Variants in CSNK1G1 observed in about 807,000 individuals in gnomAD.
CSNK1G1 encodes casein kinase 1 gamma 1.
A neutral mutation model predicts 59.6 loss-of-function variants in CSNK1G1; 22 were observed. The observed-to-expected ratio is 0.37, with a 90% CI of 0.26 to 0.53. The LOEUF is 0.53. CSNK1G1 is among the 20% of genes least tolerant of loss of function. CSNK1G1 has a pLI of 0.89. For missense variants in CSNK1G1, 384 were observed against 519.5 expected (o/e 0.74, Z 2.54); for synonymous variants, 179 against 177.1 (o/e 1.01, Z -0.08).
intron 2 of CSNK1G1, among the ~76,000 whole-genome samples, chr15:64,269,329 C>T (rs1394024964): frequency 6.6e-6 from 1 of 151,874 alleles, no homozygotes; most frequent in Non-Finnish European, 1.5e-5. Flanking sequence ...TGGTTGGTAG[C>T]CTATTTATTA....
chr15:64,172,160 C>T (rs1252713154), intron 11 of CSNK1G1, among the ~76,000 whole-genome samples, 175 bp from the exon 12 acceptor site: 4 of 152,134 alleles, frequency 2.6e-5, no homozygotes, highest in Non-Finnish European at 5.9e-5. Context: ...GCCAGAAAAG[C>T]CAAAGGAAAT....
At chr15:64,251,427 G>T in intron 4 of CSNK1G1, 85 bp downstream of exon 4, 1 of 940,810 alleles carries the variant, frequency 1.1e-6, no homozygotes, top group Non-Finnish European at 1.7e-6. Context: ...GGTAAAAAGG[G>T]CAAACCAGAC....
At chr15:64,275,278 A>G (rs1221518202) in intron 2 of CSNK1G1, among the ~76,000 whole-genome samples, 1 of 152,106 alleles carries the variant, frequency 6.6e-6, no homozygotes, top group Non-Finnish European at 1.5e-5. Flanking sequence ...ACCTCAGGTG[A>G]GCCTCCCGTC....
At chr15:64,302,152 T>G (rs556181742) in intron 1 of CSNK1G1, among the ~76,000 whole-genome samples, 17 of 152,232 alleles carry the variant, frequency 1.1e-4, no homozygotes, top group Middle Eastern at 3.4e-3. Flanking sequence ...TAGGCTGGAG[T>G]GCAATGGCGA....
intron 6 of CSNK1G1, among the ~76,000 whole-genome samples, chr15:64,211,716 G>A (rs1008938295): frequency 2.0e-5 from 3 of 152,092 alleles, no homozygotes; most frequent in East Asian, 1.9e-4. Context: ...TGAGATAACC[G>A]AGGCTGAGGG....
intron 4 of CSNK1G1, among the ~76,000 whole-genome samples, chr15:64,241,274 T>C (rs2082690507): frequency 6.6e-6 from 1 of 152,192 alleles, no homozygotes; most frequent in African/African-American, 2.4e-5. Context: ...AAGGTAATTA[T>C]ACAATGTTAA....
chr15:64,279,034 A>G (rs141202653), intron 2 of CSNK1G1, among the ~76,000 whole-genome samples: 1 of 152,224 alleles, frequency 6.6e-6, no homozygotes, highest in Non-Finnish European at 1.5e-5. Flanking sequence ...GATCACTGAC[A>G]TACACTGTTA....
At chr15:64,276,946 CAAAAAAAA>C (rs1304321213) in intron 2 of CSNK1G1, among the ~76,000 whole-genome samples, 2 of 54,506 alleles carry the variant, frequency 3.7e-5, no homozygotes, top group African/African-American at 7.3e-5. Flanking sequence ...GACTCCATCT[CAAAAAAAA>C]AAAAAAAAGA....
At chr15:64,226,286 G>T (rs1238463039) in intron 4 of CSNK1G1, among the ~76,000 whole-genome samples, 1 of 152,200 alleles carries the variant, frequency 6.6e-6, no homozygotes, top group Non-Finnish European at 1.5e-5. Context: ...TCGGCTGGGT[G>T]TGGTGGCTCA....
At chr15:64,348,038 G>T (rs925790483) in intron 1 of CSNK1G1, among the ~76,000 whole-genome samples, 10 of 150,014 alleles carry the variant, frequency 6.7e-5, no homozygotes, top group African/African-American at 2.0e-4. Flanking sequence ...AACATTCAAC[G>T]CATATTGCTA....
intron 1 of CSNK1G1, among the ~76,000 whole-genome samples, chr15:64,309,925 C>T (rs956081696): frequency 6.6e-6 from 1 of 150,636 alleles, no homozygotes; most frequent in African/African-American, 2.4e-5. Context: ...GCTTGGTCAA[C>T]ATACTGAGAC....
intron 4 of CSNK1G1, among the ~76,000 whole-genome samples, chr15:64,251,104 A>G (rs1285094612): frequency 6.6e-6 from 1 of 152,230 alleles, no homozygotes; most frequent in Non-Finnish European, 1.5e-5. Context: ...GTTCTGTAAT[A>G]TTTCAGAATG....
chr15:64,273,916 C>T (rs755512807), intron 2 of CSNK1G1, among the ~76,000 whole-genome samples: 6 of 152,142 alleles, frequency 3.9e-5, no homozygotes, highest in African/African-American at 1.2e-4. Context: ...TATCATTCCA[C>T]GCTACTATGA....
intron 1 of CSNK1G1, among the ~76,000 whole-genome samples, chr15:64,326,779 G>C (rs1187396837): frequency 2.0e-5 from 3 of 151,660 alleles, no homozygotes; most frequent in Non-Finnish European, 4.4e-5. Flanking sequence ...CATCTCACTA[G>C]GGAGTGCCAG....
intron 2 of CSNK1G1, among the ~76,000 whole-genome samples, chr15:64,277,067 T>C (rs887847393): frequency 6.6e-6 from 1 of 152,168 alleles, no homozygotes; most frequent in African/African-American, 2.4e-5. Context: ...TGACTTGAAC[T>C]TGATCATTAG....
intron 1 of CSNK1G1, among the ~76,000 whole-genome samples, chr15:64,337,485 A>T (rs1174209423): frequency 2.0e-5 from 3 of 152,214 alleles, no homozygotes; most frequent in East Asian, 1.9e-4. Context: ...AACAGCTAGG[A>T]CTACAGGTAC....
At chr15:64,327,086 G>A (rs1334540939) in intron 1 of CSNK1G1, among the ~76,000 whole-genome samples, 2 of 151,948 alleles carry the variant, frequency 1.3e-5, no homozygotes, top group Admixed American at 6.5e-5. Context: ...AGGAGGCAGC[G>A]AGGCTGGGGG....
chr15:64,351,571 C>T (rs946755560), intron 1 of CSNK1G1, among the ~76,000 whole-genome samples: 3 of 152,144 alleles, frequency 2.0e-5, no homozygotes, highest in Non-Finnish European at 4.4e-5. Flanking sequence ...TATACTATCT[C>T]TTATATCAAA....
chr15:64,191,949 G>T (rs1020019549), intron 10 of CSNK1G1, among the ~76,000 whole-genome samples: 2 of 152,172 alleles, frequency 1.3e-5, no homozygotes, highest in African/African-American at 4.8e-5. Flanking sequence ...ATAGTAGAAA[G>T]GGCCATTTGC....
Sources: gnomAD v4.1 joint callset for allele counts (sites outside exome capture counted in the v4.1 genomes callset) on GRCh38, gnomAD v4.1.1 for gene constraint, MANE v1.5 for transcripts, NCBI Gene and HGNC (gene_info 2026-07-23, HGNC 2026-07-21) for gene names.